The following PYGL variants were observed in gnomAD, a reference collection of about 807,000 sequenced individuals.
PYGL encodes glycogen phosphorylase, liver form.
In PYGL, 90 loss-of-function variants were observed where a neutral mutation model predicts 100.1. The ratio of observed to expected loss-of-function variants is 0.90; its 90% CI spans 0.76 to 1.07. The LOEUF is 1.07. Among genes scored for constraint, PYGL ranks in the 50% least tolerant of loss-of-function variants. The pLI, the probability that PYGL is intolerant of heterozygous loss-of-function variation, is 0.00. For synonymous variants in PYGL, 373 were observed against 393.0 expected (o/e 0.95, Z 0.60); for missense variants, 1,016 against 1,057.6 (o/e 0.96, Z 0.55).
At chr14:50,914,617 G>T in intron 12 of PYGL, 84 bp downstream of exon 12, 3 of 1,168,236 alleles carry the variant, frequency 2.6e-6, no homozygotes, top group Non-Finnish European at 3.8e-6. Flanking sequence ...CCCTGCTGCA[G>T]ACTGGATTTA....
chr14:50,911,797 G>A lies in PYGL; in HGVS notation c.1902C>T (p.Asp634=). The A allele has an allele frequency of 3.7e-6, 6 of 1,614,084 alleles. No individual in the cohort carries two copies. Among genetic ancestry groups the A allele is most frequent in the Non-Finnish European group, 5.1e-6 (6 of 1,179,950 alleles). Residue 634 remains aspartate (D), a synonymous_variant, in exon 16 of 20, where the codon GAC becomes GAT. Transcript: ENST00000216392. The part of the protein sequence containing the change: ...ITSVADVVNN[D]PMVGSKLKVI... ...CTTTCAACTTGCTTCCAACCATAGG[G>A]TCATTGTTCACCACATCTGCCACTG...
intron 11 of PYGL, 66 bp downstream of exon 11, chr14:50,915,270 C>A: frequency 1.3e-6 from 2 of 1,576,328 alleles, no homozygotes; most frequent in Non-Finnish European, 1.7e-6. Context: ...TGCAACCCTG[C>A]ATTTAGTAGC....
chr14:50,944,053 C>A (rs1269902216), intron 1 of PYGL, 108 bp downstream of exon 1: 13 of 1,388,190 alleles, frequency 9.4e-6, no homozygotes, highest in Non-Finnish European at 1.3e-5. Context: ...GGGCAAGGAC[C>A]GGGTGCAAGG....
At chr14:50,910,487 T>A (rs556699657) in intron 16 of PYGL, among the ~76,000 whole-genome samples, 39 of 152,242 alleles carry the variant, frequency 2.6e-4, no homozygotes, top group African/African-American at 8.2e-4. Context: ...ACAGGGTCTC[T>A]CTCTGTCACC....
Position 50,910,114 on chromosome 14 carries a change from G to C in PYGL, c.1970-12C>G, listed in dbSNP as rs1454936246. Reference sequence around the variant, plus strand: ...TGTGGCTGGAATGACTGCAAGAAAGGTAAGTTAAAATTAGTAATTTTGTCT... The same window carrying C: ...TGTGGCTGGAATGACTGCAAGAAAGCTAAGTTAAAATTAGTAATTTTGTCT... On this transcript the variant is annotated splice_polypyrimidine_tract_variant and intron_variant, in intron 16 of 19. Coordinates refer to ENST00000216392, the MANE Select transcript of PYGL (RefSeq NM_002863.5). The C allele has an allele frequency of 6.2e-7, 1 of 1,609,446 alleles. No individual in the cohort carries two copies. The highest frequency in any genetic ancestry group is 8.5e-7 in the Non-Finnish European group (1 of 1,175,740).
chr14:50,931,908 A>G, intron 3 of PYGL, 132 bp from the exon 4 acceptor site: 1 of 725,262 alleles, frequency 1.4e-6, no homozygotes, highest in Non-Finnish European at 2.5e-6. Flanking sequence ...TAAAGCACAG[A>G]TACTACTGCA....
In PYGL at chr14:50,908,946, T is replaced by C. The variant is rs766339005; in HGVS notation, c.2187A>G (p.Ala729=). The C allele has an allele frequency of 1.4e-6, 2 of 1,448,720 alleles. No homozygotes were observed. Among genetic ancestry groups the C allele is most frequent in the African/African-American group, 2.9e-5 (2 of 69,588 alleles). 89.7% of individuals were successfully genotyped at this position (1,448,720 alleles called of 1,614,324 possible). A position where few individuals can be genotyped will look rare whatever the true frequency, so the allele number is the denominator to read the frequency against. ...CTGGAAGTGCCTCATAGTATTCTTT[T>C]GCCTCGTACCTGTGGGGTAGGGGTG... ...VAALDKKGYE[A]KEYYEALPEL... is the part of the protein sequence containing the mutation. The change falls in exon 18 of 20, where the codon GCA becomes GCG. Residue 729 remains alanine, a synonymous_variant. Coordinates refer to ENST00000216392, the MANE Select transcript of PYGL (RefSeq NM_002863.5).
intron 19 of PYGL, 21 bp downstream of exon 19, chr14:50,908,250 A>C: frequency 6.4e-7 from 1 of 1,551,360 alleles, no homozygotes; most frequent in Non-Finnish European, 8.9e-7. Context: ...TTTTCTTTAT[A>C]AATCTTGGCA....
chr14:50,935,324 G>A, intron 2 of PYGL, 139 bp from the exon 3 acceptor site: 1 of 741,592 alleles, frequency 1.3e-6, no homozygotes, highest in Non-Finnish European at 2.4e-6. Context: ...CTTGCAGCTT[G>A]TTCTGGCATC....
At chr14:50,920,076 C>A (rs2050486691) in intron 7 of PYGL, among the ~76,000 whole-genome samples, 1 of 151,424 alleles carries the variant, frequency 6.6e-6, no homozygotes, top group Non-Finnish European at 1.5e-5. Context: ...GCAGAAGAAA[C>A]AGATGTTTGT....
At chr14:50,933,427 C>G (rs771998169) in intron 3 of PYGL, among the ~76,000 whole-genome samples, 1 of 152,134 alleles carries the variant, frequency 6.6e-6, no homozygotes, top group Non-Finnish European at 1.5e-5. Context: ...ATGCAAATGG[C>G]TTTCTAGTAA....
chr14:50,905,565 A>G lies in PYGL; in HGVS notation c.2380-9T>C, dbSNP rs368714229. 50 of 1,613,810 alleles carry G rather than the reference A, an allele frequency of 3.1e-5. No homozygotes were observed. The African/African-American group carries it at 6.1e-4, about 20-fold the overall frequency. On this transcript the variant is annotated splice_polypyrimidine_tract_variant and intron_variant, in intron 19 of 19. Coordinates refer to ENST00000216392, the MANE Select transcript of PYGL (RefSeq NM_002863.5). ...TTCCAGGCCTTTGGATTCTGTAAAC[A>G]ACATATGCATATACAGCCCAGAGTC...
Position 50,916,814 on chromosome 14 carries a change from G to T in PYGL, c.1000-80C>A, listed in dbSNP as rs2050455738. The T allele has an allele frequency of 1.9e-6, 3 of 1,541,566 alleles. No individual in the cohort carries two copies. In the Admixed American group the frequency reaches 5.0e-5, roughly 26 times the overall value. Reference sequence around the variant, plus strand: ...CTTTGTCCTAACACATCTGGAGAAAGCACTGATATGCCCACCTTCTATGAA... The same window carrying T: ...CTTTGTCCTAACACATCTGGAGAAATCACTGATATGCCCACCTTCTATGAA... On this transcript the variant is annotated intron_variant, in intron 8 of 19. Transcript: ENST00000216392.
In PYGL at chr14:50,912,261, T is replaced by C; in HGVS notation, c.1663A>G (p.Lys555Glu). ...KFSQFLETEY[K>E]VKINPSSMFD... The stretch of plus-strand genomic sequence containing the variant: ...ATGGAGGATGGGTTGATCTTCACTT[T>C]GTACTCCGTCTCCAGGAACTGAGAA... The change falls in exon 14 of 20, where the codon AAA (lysine) becomes GAA (glutamate). Residue 555 changes from lysine to glutamate, a missense_variant. Physicochemically the swap from Lys to Glu is moderately conservative, Grantham distance 56 (BLOSUM62 1). Transcript: ENST00000216392. 1 of 1,614,132 alleles carries C rather than the reference T, an allele frequency of 6.2e-7. No homozygotes were observed. The highest frequency in any genetic ancestry group is 8.5e-7 in the Non-Finnish European group (1 of 1,179,954).
chr14:50,929,316 G>C (rs953550703), intron 4 of PYGL, among the ~76,000 whole-genome samples: 1 of 152,138 alleles, frequency 6.6e-6, no homozygotes, highest in Non-Finnish European at 1.5e-5. Flanking sequence ...GCCTCCCAAA[G>C]TGCTGGGATT....
rs150275482 is a variant in PYGL at position 50,908,222 on chromosome 14, T to C, written c.2379+49A>G. Reference sequence around the variant, plus strand: ...TTTAATTAAAAAACCCACATTTTAATGAATCATAGTAAACTGGTTTTCTTT... The same window carrying C: ...TTTAATTAAAAAACCCACATTTTAACGAATCATAGTAAACTGGTTTTCTTT... On this transcript the variant is annotated intron_variant, in intron 19 of 19. Coordinates refer to ENST00000216392, the MANE Select transcript of PYGL (RefSeq NM_002863.5). 124 of 1,449,886 alleles carry C rather than the reference T, an allele frequency of 8.6e-5. 2 individuals are homozygous for C. In the East Asian group the frequency reaches 1.9e-3, roughly 22 times the overall value. 89.8% of individuals were successfully genotyped at this position (1,449,886 alleles called of 1,614,324 possible). A position where few individuals can be genotyped will look rare whatever the true frequency, so the allele number is the denominator to read the frequency against.
At chr14:50,924,164 T>G in intron 4 of PYGL, 64 bp from the exon 5 acceptor site, 1 of 1,534,672 alleles carries the variant, frequency 6.5e-7, no homozygotes, top group African/African-American at 1.4e-5. Flanking sequence ...AGCACTTCAA[T>G]TATATTATAT....
In PYGL at chr14:50,915,689, G is replaced by A. The variant is rs952256728; in HGVS notation, c.1239+136C>T. The A allele has an allele frequency of 4.1e-5, 58 of 1,422,060 alleles. No homozygotes were observed. The Admixed American group carries it at 1.1e-3, about 27-fold the overall frequency. 88.1% of individuals were successfully genotyped at this position (1,422,060 alleles called of 1,614,324 possible). ...GCACTTTCAAAAAGCTGCCTTTGTT[G>A]GAGCCCCGTTCGGACTTGAGTACTT... On this transcript the variant is annotated intron_variant, in intron 10 of 19. Transcript: ENST00000216392.
intron 2 of PYGL, among the ~76,000 whole-genome samples, chr14:50,936,627 G>A (rs906242051): frequency 1.3e-5 from 2 of 152,132 alleles, no homozygotes; most frequent in Admixed American, 6.6e-5. Flanking sequence ...TGGCCAAAAT[G>A]GCGAAACCCC....
Sources: allele counts gnomAD v4.1 joint callset (sites outside exome capture counted in the v4.1 genomes callset), GRCh38; gene constraint gnomAD v4.1.1; transcripts MANE v1.5; gene names NCBI Gene and HGNC (gene_info 2026-07-23, HGNC 2026-07-21).